CHERP: variants seen among roughly 807,000 people sequenced by gnomAD.
CHERP encodes calcium homeostasis endoplasmic reticulum protein.
A neutral mutation model predicts 113.8 loss-of-function variants in CHERP; 8 were observed. That is an observed-to-expected ratio of 0.07 (90% CI 0.04 to 0.13). The LOEUF (loss-of-function observed/expected upper bound fraction) is 0.13. CHERP is among the 10% of genes least tolerant of loss of function. The probability of loss-of-function intolerance (pLI) is 1.00; values close to 1 mark genes in which losing one functional copy is unlikely to be tolerated. For missense variants in CHERP, 884 were observed against 1,298.2 expected, an observed-to-expected ratio of 0.68 and a Z score of 4.90; for synonymous variants, 559 against 524.5, an observed-to-expected ratio of 1.07 and a Z score of -0.90.
At chr19:16,529,945 G>C in intron 7 of CHERP, 45 bp from the exon 8 acceptor site, 3 of 1,580,512 alleles carry the variant, frequency 1.9e-6, no homozygotes, top group Non-Finnish European at 2.6e-6. Flanking sequence ...CGGCCTTGGG[G>C]CTCGCTGCCT....
At chr19:16,538,998 C>A (rs1202984559) in intron 2 of CHERP, among the ~76,000 whole-genome samples, 1 of 152,020 alleles carries the variant, frequency 6.6e-6, no homozygotes, top group Admixed American at 6.6e-5. Flanking sequence ...CCATCTCTCA[C>A]CTAAACAACT....
At position 16,529,873 on chromosome 19, in the gene CHERP, C is replaced by G. The variant is rs1355258644; in HGVS notation, c.904G>C (p.Val302Leu). 3 of 1,613,648 alleles carry G rather than the reference C, an allele frequency of 1.9e-6. No homozygotes were observed. The South Asian group carries it at 3.3e-5, about 18-fold the overall frequency. ...AAGGCCAGCTGCACCGGCTGGACCA[C>G]TGAGGAGTACTCGTTGATGAGGGTG... ...QATLINEYSS[V>L]VQPVQLAFQQ... Residue 302 changes from valine to leucine, a missense_variant, in exon 8 of 17, where the codon GTG (valine) becomes CTG (leucine). Physicochemically the swap from Val to Leu is conservative, Grantham distance 32 (BLOSUM62 1). Around this residue, in one of 8 missense-constraint regions of CHERP, gnomAD observed 464 missense variants for 590.1 expected, o/e 0.79. Transcript: ENST00000546361.
chr19:16,521,493 G>A (rs565087600), intron 12 of CHERP, 28 bp downstream of exon 12: 12 of 1,536,054 alleles, frequency 7.8e-6, no homozygotes, highest in South Asian at 3.7e-5. Context: ...GAGGCCTCCC[G>A]CCCACCCCAC....
chr19:16,535,768 T>A lies in CHERP; in HGVS notation c.200-132A>T. On this transcript the variant is annotated intron_variant, in intron 2 of 16. Transcript: ENST00000546361. This position sits in a 1 kb window ranked among gnomAD's most constrained non-coding sequence, Gnocchi z 4.3. ...CATCCACGAGGGCCTGTTCATAGCC[T>A]CATGCCCACGCAAACCAGCTCCTCC... 1.2e-6 allele frequency: 1 copy of A among 831,382 alleles called. No homozygotes were observed. The highest frequency in any genetic ancestry group is 1.8e-6 in the Non-Finnish European group (1 of 556,280). 51.5% of individuals were successfully genotyped at this position (831,382 alleles called of 1,614,324 possible).
intron 9 of CHERP, among the ~76,000 whole-genome samples, chr19:16,527,433 TC>T (rs1325638532): frequency 6.6e-6 from 1 of 152,156 alleles, no homozygotes; most frequent in East Asian, 1.9e-4. Flanking sequence ...CTTACACCTG[TC>T]CCTGCAGACA....
chr19:16,525,700 G>T lies in CHERP; in HGVS notation c.1306-23C>A. ...CGGCTGCAAGGGAAGGGACAGGCTT[G>T]AGCCCTGCGTGGTCTAGGCCCTAGT... is the stretch of plus-strand genomic sequence containing the variant. On this transcript the variant is annotated intron_variant, in intron 9 of 16. Coordinates refer to ENST00000546361, the MANE Select transcript of CHERP (RefSeq NM_006387.6). The surrounding 1 kb of genome is among the most constrained non-coding windows in gnomAD (Gnocchi z 6.5). 6.7e-7 allele frequency: 1 copy of T among 1,483,248 alleles called. No individual in the cohort carries two copies. The allele number at this position is 1,483,248 out of a possible 1,614,324, so 91.9% of individuals were successfully genotyped here. A position where few individuals can be genotyped will look rare whatever the true frequency, so the allele number is the denominator to read the frequency against.
intron 2 of CHERP, among the ~76,000 whole-genome samples, chr19:16,536,910 G>A (rs899830029): frequency 1.5e-4 from 23 of 152,342 alleles, no homozygotes; most frequent in African/African-American, 5.3e-4. Context: ...TACCTGAGAG[G>A]CTGAGGCAGG....
At chr19:16,533,773 AAACAAC>A (rs36119133) in intron 3 of CHERP, among the ~76,000 whole-genome samples, 12 of 151,018 alleles carry the variant, frequency 7.9e-5, no homozygotes, top group Non-Finnish European at 1.3e-4. Context: ...AACAACAACA[AAACAAC>A]AACAACAACA....
chr19:16,520,882 C>T lies in CHERP; in HGVS notation c.2145G>A (p.Glu715=). 1 of 1,613,954 alleles carries T rather than the reference C, an allele frequency of 6.2e-7. No individual in the cohort carries two copies. Among genetic ancestry groups the T allele is most frequent in the Non-Finnish European group, 8.5e-7 (1 of 1,180,048 alleles). Residue 715 remains glutamate, a synonymous_variant, in exon 13 of 17, where the codon GAG becomes GAA. Coordinates refer to ENST00000546361, the MANE Select transcript of CHERP (RefSeq NM_006387.6). The surrounding 1 kb of genome is among the most constrained non-coding windows in gnomAD (Gnocchi z 4.0). ...GGGCCCGCATTTTTGCTCGGAAGAA[C>T]TCATAGAGGCCGTTCTGCTCCCAGC... ...SEGWEQNGLY[E]FFRAKMRARR...
intron 2 of CHERP, among the ~76,000 whole-genome samples, chr19:16,539,338 G>A (rs891911404): frequency 7.3e-5 from 11 of 151,682 alleles, no homozygotes; most frequent in African/African-American, 2.4e-4. Flanking sequence ...TAGTAGAGAC[G>A]GGGTTTCACC....
At chr19:16,522,803 C>T (rs1262889761) in intron 11 of CHERP, among the ~76,000 whole-genome samples, 1 of 152,096 alleles carries the variant, frequency 6.6e-6, no homozygotes, top group East Asian at 1.9e-4. Context: ...CCTAGCTAGC[C>T]CCACATGGCT....
At chr19:16,522,336 G>GCA (rs1326099219) in intron 11 of CHERP, among the ~76,000 whole-genome samples, 1 of 151,970 alleles carries the variant, frequency 6.6e-6, no homozygotes, top group East Asian at 1.9e-4. Context: ...TCGGCTCAGT[G>GCA]CAAGCTCCGC....
Position 16,532,378 on chromosome 19 carries a change from C to A in CHERP, c.674+220G>T. 3.6e-6 allele frequency: 2 copies of A among 562,006 alleles called. No individual in the cohort carries two copies. Among genetic ancestry groups the A allele is most frequent in the Non-Finnish European group, 6.2e-6 (2 of 321,082 alleles). 34.8% of individuals were successfully genotyped at this position (562,006 alleles called of 1,614,324 possible). A position where few individuals can be genotyped will look rare whatever the true frequency, so the allele number is the denominator to read the frequency against. ...TGAGGCCGGGGTCTAGGGGAGAGGA[C>A]AGGGCATGCAGCGAAGGTGCACAGG... On this transcript the variant is annotated intron_variant, in intron 5 of 16. Transcript: ENST00000546361. This position sits in a 1 kb window ranked among gnomAD's most constrained non-coding sequence, Gnocchi z 4.4.
At chr19:16,528,978 T>C (rs1437516474) in intron 8 of CHERP, among the ~76,000 whole-genome samples, 1 of 152,162 alleles carries the variant, frequency 6.6e-6, no homozygotes, top group Non-Finnish European at 1.5e-5. Flanking sequence ...ACAAAATCCT[T>C]TGCTAGATTC....
At chr19:16,528,684 T>G (rs1198592561) in intron 8 of CHERP, among the ~76,000 whole-genome samples, 1 of 152,224 alleles carries the variant, frequency 6.6e-6, no homozygotes, top group Non-Finnish European at 1.5e-5. Context: ...CCGGGTGCGG[T>G]GGCTCACGCC....
Position 16,520,758 on chromosome 19 carries a change from G to A in CHERP, c.2201+68C>T. On this transcript the variant is annotated intron_variant, in intron 13 of 16. Transcript: ENST00000546361. This position sits in a 1 kb window ranked among gnomAD's most constrained non-coding sequence, Gnocchi z 4.0. ...GGTGGACGTGATGAGTGTATCTGGG[G>A]TCTGCTCCCACCCATCACAAGCTGT... The A allele has an allele frequency of 6.9e-7, 1 of 1,455,934 alleles. No homozygotes were observed. Among genetic ancestry groups the A allele is most frequent in the South Asian group, 1.1e-5 (1 of 87,988 alleles). 90.2% of individuals were successfully genotyped at this position (1,455,934 alleles called of 1,614,324 possible).
rs201681974 is a variant in CHERP, at chr19:16,523,038, C to T, written c.1980+14G>A. ...GTAAGCGTGCTCAGCTTGGAGCCCA[C>T]TGTGGGGCATTACCTTCACGAGGGG... On this transcript the variant is annotated intron_variant, in intron 11 of 16. Transcript: ENST00000546361. This position sits in a 1 kb window ranked among gnomAD's most constrained non-coding sequence, Gnocchi z 4.0. The T allele has an allele frequency of 5.8e-5, 87 of 1,503,366 alleles. 3 individuals carry two copies. In the South Asian group the frequency reaches 1.1e-3, roughly 19 times the overall value. The allele number at this position is 1,503,366 out of a possible 1,614,324, so 93.1% of individuals were successfully genotyped here. A position where few individuals can be genotyped will look rare whatever the true frequency, so the allele number is the denominator to read the frequency against.
rs1480733636 is a variant in CHERP at position 16,535,568 on chromosome 19, G to T, written c.268C>A (p.Leu90Met). Residue 90 changes from leucine to methionine, a missense_variant, in exon 3 of 17, where the codon CTG (leucine) becomes ATG (methionine). Leu to Met is a conservative substitution (Grantham distance 15). Coordinates refer to ENST00000546361, the MANE Select transcript of CHERP (RefSeq NM_006387.6). This position sits in a 1 kb window ranked among gnomAD's most constrained non-coding sequence, Gnocchi z 4.3. Reference sequence around the variant, plus strand: ...GGCGGGATGGGCGCGGCGGGGGCCAGCGGGGGCTGTGGCAGGGGTGGCATG... The same window carrying T: ...GGCGGGATGGGCGCGGCGGGGGCCATCGGGGGCTGTGGCAGGGGTGGCATG... ...ATMPPLPQPP[L>M]APAAPIPPAQ... The T allele has an allele frequency of 6.4e-7, 1 of 1,567,782 alleles. No homozygotes were observed.
chr19:16,519,803 C>T lies in CHERP; in HGVS notation c.2463-88G>A, dbSNP rs1250007240. On this transcript the variant is annotated intron_variant, in intron 15 of 16. Transcript: ENST00000546361. This position sits in a 1 kb window ranked among gnomAD's most constrained non-coding sequence, Gnocchi z 6.0. The stretch of plus-strand genomic sequence containing the variant: ...ATGAGGACCTCACAGCCGCAGCTTG[C>T]GTGCATGCTCACTGTCACCAGGTGA... 1.8e-5 allele frequency: 20 copies of T among 1,119,616 alleles called. No homozygotes were observed. The Middle Eastern group carries it at 5.9e-4, about 33-fold the overall frequency. 69.4% of individuals were successfully genotyped at this position (1,119,616 alleles called of 1,614,324 possible). A position where few individuals can be genotyped will look rare whatever the true frequency, so the allele number is the denominator to read the frequency against.
Sources: allele counts gnomAD v4.1 joint callset (sites outside exome capture counted in the v4.1 genomes callset), GRCh38; gene constraint gnomAD v4.1.1; regional missense constraint gnomAD v4.1.1; non-coding constraint Gnocchi (gnomAD v3.1); transcripts MANE v1.5; gene names NCBI Gene and HGNC (gene_info 2026-07-23, HGNC 2026-07-21).